The following ASIC2 variants were observed in gnomAD, a reference collection of about 807,000 sequenced individuals.
ASIC2 encodes the protein acid sensing ion channel subunit 2, also known as acid-sensing ion channel 2.
Under a neutral mutation model 57.3 loss-of-function variants are expected in ASIC2, and 25 were observed. That is an observed-to-expected ratio of 0.44 (90% CI 0.32 to 0.61). The LOEUF (loss-of-function observed/expected upper bound fraction) is 0.61, where lower values mean the gene tolerates loss of function less well. Among genes scored for constraint, ASIC2 ranks in the 20% least tolerant of loss-of-function variants. ASIC2 has a pLI of 0.06. For synonymous variants in ASIC2, 319 were observed against 307.5 expected (o/e 1.04, Z -0.39); for missense variants, 641 against 738.1 (o/e 0.87, Z 1.52).
At chr17:33,506,983 GGA>G (rs1914283506) in intron 1 of ASIC2, among the ~76,000 whole-genome samples, 1 of 152,178 alleles carries the variant, frequency 6.6e-6, no homozygotes, top group Non-Finnish European at 1.5e-5. Flanking sequence ...GAGCAGAGGA[GGA>G]GACAGGATGT....
At chr17:33,434,479 A>G (rs904527139) in intron 1 of ASIC2, among the ~76,000 whole-genome samples, 1 of 152,234 alleles carries the variant, frequency 6.6e-6, no homozygotes, top group African/African-American at 2.4e-5. Flanking sequence ...AATAGCTTAT[A>G]AAGGAAAGGA....
At chr17:33,572,447 A>G (rs1916481226) in intron 1 of ASIC2, 1 of 152,202 alleles carries the variant, frequency 6.6e-6, no homozygotes. Context: ...GTTATGGCAG[A>G]GCTGTGATTT....
intron 1 of ASIC2, among the ~76,000 whole-genome samples, chr17:33,459,736 G>A (rs1017426845): frequency 6.6e-6 from 1 of 152,178 alleles, no homozygotes; most frequent in South Asian, 2.1e-4. Flanking sequence ...GTGGGGATGA[G>A]GTATCTGTCC....
At chr17:33,512,064 G>A (rs958611529) in intron 1 of ASIC2, among the ~76,000 whole-genome samples, 15 of 152,164 alleles carry the variant, frequency 9.9e-5, no homozygotes, top group Non-Finnish European at 2.1e-4. Flanking sequence ...AAAAGGAGGA[G>A]TTTGGGAAAA....
At chr17:33,956,600 G>T (rs911970259) in intron 1 of ASIC2, among the ~76,000 whole-genome samples, 1 of 152,116 alleles carries the variant, frequency 6.6e-6, no homozygotes, top group Admixed American at 6.5e-5. Context: ...TAAAACTCAC[G>T]TCACCAGGGA....
At chr17:33,304,029 G>A (rs1248218693) in intron 1 of ASIC2, among the ~76,000 whole-genome samples, 1 of 152,166 alleles carries the variant, frequency 6.6e-6, no homozygotes, top group Admixed American at 6.5e-5. Flanking sequence ...ATAATTCACA[G>A]TAGAGCTTTT....
rs758373199 is a variant in ASIC2 at position 33,112,039 on chromosome 17, A to G, written c.737T>C (p.Met246Thr). The change falls in exon 2 of 10, where the codon ATG becomes ACG. Residue 246 changes from methionine (M) to threonine (T), a missense_variant. Physicochemically the swap from Met to Thr is moderately conservative, Grantham distance 81 (BLOSUM62 -1). Transcript: ENST00000225823. ...TTTGCCATCCTCGCCTGAGTTAAACATGTAACACTTCCCATATTTTGTAAA... is the reference window on the plus strand; with the variant it reads ...TTTGCCATCCTCGCCTGAGTTAAACGTGTAACACTTCCCATATTTTGTAAA... ...SVFTKYGKCYMFNSGEDGKPL... is the reference protein window; with the variant it reads ...SVFTKYGKCYTFNSGEDGKPL... 1 of 1,613,938 alleles carries G rather than the reference A, an allele frequency of 6.2e-7. No individual in the cohort carries two copies. The highest frequency in any genetic ancestry group is 8.5e-7 in the Non-Finnish European group (1 of 1,179,942).
chr17:33,108,259 G>A (rs1438806174), intron 2 of ASIC2, among the ~76,000 whole-genome samples: 1 of 152,172 alleles, frequency 6.6e-6, no homozygotes, highest in Non-Finnish European at 1.5e-5. Flanking sequence ...TCATTAAACT[G>A]CCTGGGCACA....
intron 1 of ASIC2, among the ~76,000 whole-genome samples, chr17:33,119,974 G>A (rs1223080603): frequency 6.6e-6 from 1 of 152,126 alleles, no homozygotes; most frequent in East Asian, 1.9e-4. Context: ...TGCTTTGAAC[G>A]CTCCGTCTGT....
intron 1 of ASIC2, among the ~76,000 whole-genome samples, chr17:33,155,223 C>T (rs1394231438): frequency 1.3e-5 from 2 of 152,246 alleles, no homozygotes; most frequent in African/African-American, 2.4e-5. Context: ...TAAATGCTGG[C>T]TGACCACGGC....
intron 6 of ASIC2, among the ~76,000 whole-genome samples, chr17:33,022,437 C>G (rs1451492816): frequency 1.3e-5 from 2 of 152,120 alleles, no homozygotes; most frequent in South Asian, 4.1e-4. Context: ...GAGCAGTGGG[C>G]AAAAATGCAA....
In ASIC2 at chr17:34,058,025, C is replaced by T. The variant is rs192537302; in HGVS notation, c.555+97953G>A. On this transcript the variant is annotated intron_variant, in intron 1 of 9. Transcript: ENST00000359872. ...GTGCACAACTCTACCTACCTAAACA[C>T]GGTCTAATCCTACTTATTTTTCTCT... Among the ~76,000 whole-genome samples the T allele has an allele frequency of 1.7e-4, 26 of 152,324 alleles. No individual in the cohort carries two copies. The East Asian group carries it at 4.2e-3, about 25-fold the overall frequency.
intron 1 of ASIC2, among the ~76,000 whole-genome samples, chr17:33,251,331 CTTAT>C (rs1567799089): frequency 6.6e-6 from 1 of 151,988 alleles, no homozygotes; most frequent in East Asian, 1.9e-4. Flanking sequence ...ACCATCTTAT[CTTAT>C]TTATTTATTT....
chr17:34,128,752 C>T (rs755611), intron 1 of ASIC2, among the ~76,000 whole-genome samples: 65,045 of 151,936 alleles, frequency 0.43, 14,901 homozygotes, highest in Middle Eastern at 0.54. Flanking sequence ...CTTTTTTCCC[C>T]TTTTCTACAG....
chr17:33,515,049 G>A (rs1914525719), intron 1 of ASIC2, among the ~76,000 whole-genome samples: 1 of 152,196 alleles, frequency 6.6e-6, no homozygotes, highest in Non-Finnish European at 1.5e-5. Context: ...GCCTGTCATA[G>A]GTGCCAGTAA....
intron 1 of ASIC2, among the ~76,000 whole-genome samples, chr17:33,405,027 G>A (rs1412848452): frequency 1.3e-5 from 2 of 150,826 alleles, no homozygotes; most frequent in East Asian, 1.9e-4. Flanking sequence ...TGTCTTGAAC[G>A]CCAGGACACT....
intron 1 of ASIC2, among the ~76,000 whole-genome samples, chr17:34,057,133 C>T (rs1908795653): frequency 6.6e-6 from 1 of 151,934 alleles, no homozygotes; most frequent in South Asian, 2.1e-4. Context: ...TTATGCCAGG[C>T]CCCATACTTG....
At chr17:34,135,891 A>C (rs559366352) in intron 1 of ASIC2, among the ~76,000 whole-genome samples, 41 of 152,290 alleles carry the variant, frequency 2.7e-4, no homozygotes, top group Admixed American at 6.5e-4. Flanking sequence ...TTCTAAAAAA[A>C]ATAATAATGT....
chr17:34,035,835 A>G (rs1327216735), intron 1 of ASIC2, among the ~76,000 whole-genome samples: 2 of 152,186 alleles, frequency 1.3e-5, no homozygotes, highest in African/African-American at 4.8e-5. Flanking sequence ...ACAATGAGAT[A>G]CCATCTCACA....
Sources: gnomAD v4.1 joint callset for allele counts (sites outside exome capture counted in the v4.1 genomes callset) on GRCh38, gnomAD v4.1.1 for gene constraint, MANE v1.5 for transcripts, NCBI Gene and HGNC (gene_info 2026-07-23, HGNC 2026-07-21) for gene names.